The following EXOC4 variants were observed in gnomAD, a reference collection of about 807,000 sequenced individuals.
EXOC4 encodes SEC8-like 1.
A neutral mutation model predicts 107.2 loss-of-function variants in EXOC4; 71 were observed. The observed-to-expected ratio is 0.66, with a 90% CI of 0.55 to 0.81. The LOEUF is 0.81. Among genes scored for constraint, EXOC4 ranks in the 30% least tolerant of loss-of-function variants. The pLI is 0.00. For synonymous variants in EXOC4, 456 were observed against 441.2 expected, an observed-to-expected ratio of 1.03 and a Z score of -0.42; for missense variants, 1,108 against 1,189.6, an observed-to-expected ratio of 0.93 and a Z score of 1.01.
chr7:133,525,249 G>A (rs899087896), intron 9 of EXOC4, among the ~76,000 whole-genome samples: 1 of 152,130 alleles, frequency 6.6e-6, no homozygotes, highest in African/African-American at 2.4e-5. Flanking sequence ...TCTTAGAATA[G>A]CCACTGCTGG....
At chr7:133,536,423 T>C (rs191885247) in intron 9 of EXOC4, among the ~76,000 whole-genome samples, 94 of 152,270 alleles carry the variant, frequency 6.2e-4, no homozygotes, top group African/African-American at 2.2e-3. Context: ...ACTTTGACCA[T>C]GCTCTGATCA....
At chr7:133,421,479 G>A (rs1401004346) in intron 7 of EXOC4, among the ~76,000 whole-genome samples, 4 of 152,150 alleles carry the variant, frequency 2.6e-5, no homozygotes, top group African/African-American at 4.8e-5. Context: ...TCTACTGTAC[G>A]AGTAGCAGAG....
chr7:133,636,192 G>A (rs1240037655), intron 10 of EXOC4, among the ~76,000 whole-genome samples: 3 of 151,670 alleles, frequency 2.0e-5, no homozygotes, highest in Non-Finnish European at 4.4e-5. Flanking sequence ...TGTCTTGGTA[G>A]GTAAAGAGTA....
chr7:133,381,103 C>T (rs1010598586), intron 7 of EXOC4, among the ~76,000 whole-genome samples: 1 of 151,862 alleles, frequency 6.6e-6, no homozygotes, highest in African/African-American at 2.4e-5. Context: ...TTATTATTGC[C>T]CTATAAATTT....
chr7:133,993,021 T>A (rs557473901), intron 14 of EXOC4, among the ~76,000 whole-genome samples: 41 of 152,242 alleles, frequency 2.7e-4, no homozygotes, highest in African/African-American at 8.4e-4. Context: ...ATGATTTTTG[T>A]CCTTTATTCT....
chr7:134,040,470 T>G (rs1358001655), intron 17 of EXOC4, among the ~76,000 whole-genome samples: 1 of 151,996 alleles, frequency 6.6e-6, no homozygotes, highest in Non-Finnish European at 1.5e-5. Context: ...CTCCCACCCC[T>G]CCTCTGGAAT....
chr7:133,358,001 A>G (rs1796059343), intron 6 of EXOC4, among the ~76,000 whole-genome samples: 1 of 152,138 alleles, frequency 6.6e-6, no homozygotes, highest in South Asian at 2.1e-4. Flanking sequence ...CAGCCTGGCC[A>G]ACATAGTGAA....
At chr7:134,087,011 C>T in the EXOC4 span, among the ~76,000 whole-genome samples, 1 of 152,166 alleles carries the variant, frequency 6.6e-6, no homozygotes, top group Non-Finnish European at 1.5e-5. Context: ...TTTTAGCCAG[C>T]TTCTTTACTG....
chr7:133,818,415 C>T (rs1020459343), intron 11 of EXOC4, among the ~76,000 whole-genome samples: 2 of 152,278 alleles, frequency 1.3e-5, no homozygotes, highest in South Asian at 2.1e-4. Context: ...GTTCCAGTTG[C>T]CTGCCCTTAC....
intron 10 of EXOC4, among the ~76,000 whole-genome samples, chr7:133,644,014 T>C (rs1461400790): frequency 1.3e-5 from 2 of 152,336 alleles, no homozygotes; most frequent in East Asian, 3.9e-4. Context: ...GGTAGGCTTC[T>C]TCCTCAAGGG....
At chr7:133,904,391 T>G (rs1025333317) in intron 12 of EXOC4, among the ~76,000 whole-genome samples, 1 of 152,166 alleles carries the variant, frequency 6.6e-6, no homozygotes, top group Non-Finnish European at 1.5e-5. Context: ...TTGTGTTATT[T>G]CTCTGTCATT....
chr7:133,822,725 C>T (rs1483140077), intron 11 of EXOC4, among the ~76,000 whole-genome samples: 1 of 152,212 alleles, frequency 6.6e-6, no homozygotes, highest in Non-Finnish European at 1.5e-5. Context: ...CCTCACTCCA[C>T]TCTGGAAATC....
chr7:133,386,739 C>T (rs1255565193), intron 7 of EXOC4, among the ~76,000 whole-genome samples: 1 of 152,148 alleles, frequency 6.6e-6, no homozygotes, highest in East Asian at 1.9e-4. Flanking sequence ...GATGTAGAAA[C>T]TGTTATTGCA....
intron 10 of EXOC4, among the ~76,000 whole-genome samples, chr7:133,769,541 T>C (rs988670610): frequency 2.0e-5 from 3 of 151,858 alleles, no homozygotes; most frequent in African/African-American, 4.8e-5. Context: ...CCTTGAGCCA[T>C]GTAGCACACA....
chr7:133,349,109 G>A lies in EXOC4; in HGVS notation c.764-7221G>A, dbSNP rs112874717. Among the ~76,000 whole-genome samples the A allele has an allele frequency of 3.8e-4, 49 of 130,364 alleles. 1 individual carries two copies. Among genetic ancestry groups the A allele is most frequent in the Non-Finnish European group, 6.7e-4 (42 of 62,500 alleles). The allele number at this position is 130,364 out of a possible 152,430, so 85.5% of individuals were successfully genotyped here. A position where few individuals can be genotyped will look rare whatever the true frequency, so the allele number is the denominator to read the frequency against. ...ATTATATCATGTATGTAATTAAAATGGTTTTGATTCAGATTTAAATGTTTT... is the reference window on the plus strand; with the variant it reads ...ATTATATCATGTATGTAATTAAAATAGTTTTGATTCAGATTTAAATGTTTT... On this transcript the variant is annotated intron_variant, in intron 5 of 17. Transcript: ENST00000253861.
intron 11 of EXOC4, among the ~76,000 whole-genome samples, chr7:133,837,791 T>C (rs867554792): frequency 2.0e-5 from 3 of 152,226 alleles, no homozygotes; most frequent in Non-Finnish European, 4.4e-5. Flanking sequence ...TGTTCTTCTT[T>C]GTATGTTATG....
intron 9 of EXOC4, among the ~76,000 whole-genome samples, chr7:133,561,491 T>C (rs573174707): frequency 6.6e-6 from 1 of 152,242 alleles, no homozygotes; most frequent in East Asian, 1.9e-4. Context: ...ACCCGAAAAA[T>C]CATTTATAGT....
intron 10 of EXOC4, among the ~76,000 whole-genome samples, chr7:133,765,075 A>C (rs1359846942): frequency 6.6e-6 from 1 of 152,104 alleles, no homozygotes; most frequent in African/African-American, 2.4e-5. Flanking sequence ...ATAGAGGTAG[A>C]TAGGACCTCT....
intron 10 of EXOC4, among the ~76,000 whole-genome samples, chr7:133,672,441 T>G (rs1793968998): frequency 6.6e-6 from 1 of 151,770 alleles, no homozygotes. Context: ...GGATTGTTTA[T>G]CTTATTTAAT....
Sources: allele counts gnomAD v4.1 joint callset (sites outside exome capture counted in the v4.1 genomes callset), GRCh38; gene constraint gnomAD v4.1.1; transcripts MANE v1.5; gene names NCBI Gene and HGNC (gene_info 2026-07-23, HGNC 2026-07-21).